Variants in SLC24A2 observed in about 807,000 individuals in gnomAD.
SLC24A2 encodes solute carrier family 24 member 2.
A neutral mutation model predicts 62.0 loss-of-function variants in SLC24A2; 36 were observed. The ratio of observed to expected loss-of-function variants is 0.58; its 90% CI spans 0.44 to 0.77. SLC24A2 has a LOEUF of 0.77. Ranked by LOEUF, SLC24A2 falls within the 30% of genes least tolerant of loss-of-function variation. The pLI, the probability that SLC24A2 is intolerant of heterozygous loss-of-function variation, is 0.00. For synonymous variants in SLC24A2, 358 were observed against 294.0 expected, an observed-to-expected ratio of 1.22 and a Z score of -2.23; for missense variants, 846 against 817.9, an observed-to-expected ratio of 1.03 and a Z score of -0.42.
chr9:19,840,734 T>C, the SLC24A2 span, among the ~76,000 whole-genome samples: 2 of 152,184 alleles, frequency 1.3e-5, no homozygotes, highest in African/African-American at 4.8e-5. Context: ...CAATCAAGCA[T>C]ACAACATTTC....
Position 19,507,872 on chromosome 9 carries a change from C to G in SLC24A2, c.*8281G>C, listed in dbSNP as rs1011336828. On this transcript the variant is annotated 3_prime_UTR_variant, in exon 11 of 11. Coordinates refer to ENST00000341998, the MANE Select transcript of SLC24A2 (RefSeq NM_020344.4). ...GAACAAAGGAAGCATGAGACCACGTCTATCCTAAAAAAGATCCTTTACAAA... is the reference window on the plus strand; with the variant it reads ...GAACAAAGGAAGCATGAGACCACGTGTATCCTAAAAAAGATCCTTTACAAA... The G allele has an allele frequency of 9.9e-5, 15 of 152,202 alleles. No individual in the cohort carries two copies. The highest frequency in any genetic ancestry group is 4.6e-4 in the Admixed American group (7 of 15,282). 9.4% of individuals were successfully genotyped at this position (152,202 alleles called of 1,614,324 possible). A position where few individuals can be genotyped will look rare whatever the true frequency, so the allele number is the denominator to read the frequency against.
intron 2 of SLC24A2, among the ~76,000 whole-genome samples, chr9:19,756,634 C>A (rs923525846): frequency 6.6e-6 from 1 of 152,158 alleles, no homozygotes; most frequent in South Asian, 2.1e-4. Flanking sequence ...TATGTGACAA[C>A]TAATTCACCT....
intron 9 of SLC24A2, among the ~76,000 whole-genome samples, chr9:19,525,386 CTTTACTTTTTTTTTTT>C (rs1332650077): frequency 3.8e-4 from 18 of 47,200 alleles, no homozygotes; most frequent in East Asian, 1.7e-3. Context: ...TTTCCTATTT[CTTTACTTTTTTTTTTT>C]TTTTTTTTTT....
At chr9:20,072,162 T>C in the SLC24A2 span, among the ~76,000 whole-genome samples, 1 of 152,136 alleles carries the variant, frequency 6.6e-6, no homozygotes. Flanking sequence ...TTATCTATGA[T>C]TGAAGCATGG....
chr9:19,900,296 G>T, the SLC24A2 span, among the ~76,000 whole-genome samples: 3 of 152,000 alleles, frequency 2.0e-5, no homozygotes, highest in African/African-American at 4.8e-5. Flanking sequence ...TCCACCTTTG[G>T]GATGTGAATT....
chr9:20,043,139 C>T, the SLC24A2 span, among the ~76,000 whole-genome samples: 2 of 152,064 alleles, frequency 1.3e-5, no homozygotes, highest in African/African-American at 2.4e-5. Flanking sequence ...GAAGGCATGT[C>T]GAAAGCTGAG....
chr9:19,729,897 C>A (rs1011888070), intron 2 of SLC24A2, among the ~76,000 whole-genome samples: 1 of 151,980 alleles, frequency 6.6e-6, no homozygotes, highest in East Asian at 1.9e-4. Context: ...AAAAATAATA[C>A]ATGTTTGAGA....
chr9:19,830,687 C>T, the SLC24A2 span, among the ~76,000 whole-genome samples: 1 of 152,026 alleles, frequency 6.6e-6, no homozygotes, highest in African/African-American at 2.4e-5. Context: ...TCATCTAGAC[C>T]CGGCAGACTC....
At chr9:19,665,967 C>T (rs1349611903) in intron 2 of SLC24A2, among the ~76,000 whole-genome samples, 2 of 152,076 alleles carry the variant, frequency 1.3e-5, no homozygotes, top group Non-Finnish European at 2.9e-5. Context: ...CCCGTGTTCT[C>T]ATTCATTAAA....
At chr9:19,742,931 A>G (rs1251997336) in intron 2 of SLC24A2, among the ~76,000 whole-genome samples, 2 of 152,166 alleles carry the variant, frequency 1.3e-5, no homozygotes, top group African/African-American at 4.8e-5. Flanking sequence ...TTTGGAGGGA[A>G]ACAATGGAGA....
At chr9:19,876,194 G>C in the SLC24A2 span, among the ~76,000 whole-genome samples, 2 of 152,144 alleles carry the variant, frequency 1.3e-5, no homozygotes, top group African/African-American at 4.8e-5. Context: ...CTGTAATTGT[G>C]AATGTGGTTC....
chr9:19,740,956 C>T (rs2118765288), intron 2 of SLC24A2, among the ~76,000 whole-genome samples: 1 of 151,650 alleles, frequency 6.6e-6, no homozygotes, highest in African/African-American at 2.4e-5. Context: ...TCTCACTGAA[C>T]CATTGAATCA....
At chr9:19,819,808 G>A in the SLC24A2 span, among the ~76,000 whole-genome samples, 1 of 151,530 alleles carries the variant, frequency 6.6e-6, no homozygotes. Context: ...ATTCCTCAAA[G>A]AACTAAAAGT....
chr9:20,156,900 G>C, the SLC24A2 span, among the ~76,000 whole-genome samples: 1 of 151,692 alleles, frequency 6.6e-6, no homozygotes, highest in Non-Finnish European at 1.5e-5. Flanking sequence ...CAAAGGTAAA[G>C]GAAGGAGATC....
At chr9:20,120,513 C>T in the SLC24A2 span, among the ~76,000 whole-genome samples, 1 of 151,944 alleles carries the variant, frequency 6.6e-6, no homozygotes, top group Non-Finnish European at 1.5e-5. Flanking sequence ...TATACATGGA[C>T]ACAAAGAAGG....
At chr9:20,146,223 G>A in the SLC24A2 span, among the ~76,000 whole-genome samples, 4 of 152,242 alleles carry the variant, frequency 2.6e-5, no homozygotes, top group East Asian at 7.8e-4. Flanking sequence ...AATGTAAGGT[G>A]GAGGGGCAAG....
At chr9:20,073,307 C>T in the SLC24A2 span, among the ~76,000 whole-genome samples, 4 of 152,124 alleles carry the variant, frequency 2.6e-5, no homozygotes, top group Admixed American at 6.6e-5. Flanking sequence ...TTATCTTTGA[C>T]CTCTAGATGA....
At chr9:20,263,074 G>A in the SLC24A2 span, among the ~76,000 whole-genome samples, 3 of 152,232 alleles carry the variant, frequency 2.0e-5, no homozygotes, top group Non-Finnish European at 4.4e-5. Flanking sequence ...ACTGGAGCCT[G>A]CACCTGTGCT....
At chr9:19,955,315 G>A in the SLC24A2 span, among the ~76,000 whole-genome samples, 3 of 150,920 alleles carry the variant, frequency 2.0e-5, no homozygotes, top group African/African-American at 4.9e-5. Flanking sequence ...AAAAAATTTT[G>A]TTTACAGGTA....
Sources: allele counts gnomAD v4.1 joint callset (sites outside exome capture counted in the v4.1 genomes callset), GRCh38; gene constraint gnomAD v4.1.1; transcripts MANE v1.5; gene names NCBI Gene and HGNC (gene_info 2026-07-23, HGNC 2026-07-21).